The following GRAMD2B variants were observed in gnomAD, a reference collection of about 807,000 sequenced individuals.
The protein encoded by GRAMD2B is GRAM domain-containing protein 2B.
GRAMD2B carries 41 observed loss-of-function variants against 59.2 expected under a neutral mutation model. The ratio of observed to expected loss-of-function variants is 0.69; its 90% CI spans 0.54 to 0.90. The LOEUF is 0.90. Ranked by LOEUF, GRAMD2B falls within the 40% of genes least tolerant of loss-of-function variation. The pLI is 0.00. For synonymous variants in GRAMD2B, 161 were observed against 182.7 expected, an observed-to-expected ratio of 0.88 and a Z score of 0.96; for missense variants, 424 against 500.5, an observed-to-expected ratio of 0.85 and a Z score of 1.46.
At chr5:126,466,363 T>C (rs1191170812) in intron 2 of GRAMD2B, 9 of 970,426 alleles carry the variant, frequency 9.3e-6, no homozygotes, top group Non-Finnish European at 1.5e-5. Flanking sequence ...CCCGAAATTT[T>C]CCTCTTCTGA....
At chr5:126,423,173 C>T, upstream of GRAMD2B, 1 of 998,480 alleles carries the variant, frequency 1.0e-6, no homozygotes, top group African/African-American at 1.7e-5. Flanking sequence ...CTCTAAAAAT[C>T]CCCCTGTTAC....
upstream of GRAMD2B, chr5:126,371,186 A>T: frequency 7.0e-6 from 3 of 431,500 alleles, no homozygotes; most frequent in Non-Finnish European, 9.5e-6. Context: ...GTGAACTAAA[A>T]GTTGAATTTC....
intron 1 of GRAMD2B, among the ~76,000 whole-genome samples, chr5:126,364,490 C>G (rs1264401929): frequency 6.6e-6 from 1 of 152,154 alleles, no homozygotes; most frequent in African/African-American, 2.4e-5. Context: ...GCTCTTGTCC[C>G]GTACAAAGAC....
intron 1 of GRAMD2B, among the ~76,000 whole-genome samples, chr5:126,437,309 G>A (rs79416372): frequency 0.029 from 4,379 of 152,262 alleles, 84 homozygotes; most frequent in African/African-American, 0.038. Flanking sequence ...ACCAGGTGAC[G>A]GAATGGATTG....
intron 1 of GRAMD2B, among the ~76,000 whole-genome samples, chr5:126,446,131 T>A (rs1457389547): frequency 6.6e-6 from 1 of 152,208 alleles, no homozygotes; most frequent in East Asian, 1.9e-4. Context: ...TTTCACTCAT[T>A]TTTTTAAAAA....
chr5:126,423,804 A>T (rs375619339), intron 1 of GRAMD2B, 115 bp downstream of exon 1: 18 of 925,292 alleles, frequency 1.9e-5, no homozygotes, highest in Non-Finnish European at 2.5e-5. Context: ...TATATGGACA[A>T]TCTTGTGGCG....
At chr5:126,361,629 T>A (rs1754226682) in intron 1 of GRAMD2B, among the ~76,000 whole-genome samples, 1 of 152,118 alleles carries the variant, frequency 6.6e-6, no homozygotes, top group South Asian at 2.1e-4. Flanking sequence ...TCTGAAAATC[T>A]AACAAGAAAC....
At chr5:126,366,104 A>G (rs1015149704) in intron 1 of GRAMD2B, among the ~76,000 whole-genome samples, 1 of 152,222 alleles carries the variant, frequency 6.6e-6, no homozygotes, top group Non-Finnish European at 1.5e-5. Flanking sequence ...GGGATAACAT[A>G]TATCCTTTCT....
rs565816759 is a variant in GRAMD2B, at chr5:126,455,525, C to T, written c.84-9901C>T. Among the ~76,000 whole-genome samples, 3 of 152,254 alleles carry T rather than the reference C, an allele frequency of 2.0e-5. No individual in the cohort carries two copies. In the South Asian group the frequency reaches 6.2e-4, roughly 32 times the overall value. On this transcript the variant is annotated intron_variant, in intron 1 of 13. Coordinates refer to ENST00000285689, the MANE Select transcript of GRAMD2B (RefSeq NM_023927.4). Reference sequence around the variant, plus strand: ...CCTTGTGTTTCTCATGACCTTATGGCATCTCTGACTCCAAATTGTATGTAT... The same window carrying T: ...CCTTGTGTTTCTCATGACCTTATGGTATCTCTGACTCCAAATTGTATGTAT...
chr5:126,425,947 A>G (rs2149787973), intron 1 of GRAMD2B, among the ~76,000 whole-genome samples: 1 of 152,186 alleles, frequency 6.6e-6, no homozygotes, highest in Non-Finnish European at 1.5e-5. Context: ...ATTGCACAGC[A>G]AGGAGATTAG....
chr5:126,393,651 A>G (rs1371653531), intron 1 of GRAMD2B, among the ~76,000 whole-genome samples: 1 of 152,274 alleles, frequency 6.6e-6, no homozygotes, highest in East Asian at 1.9e-4. Flanking sequence ...GACACAACAT[A>G]TGGAACCATT....
At chr5:126,401,858 A>G (rs1401307198) in intron 1 of GRAMD2B, among the ~76,000 whole-genome samples, 1 of 152,104 alleles carries the variant, frequency 6.6e-6, no homozygotes, top group Non-Finnish European at 1.5e-5. Context: ...TAGTCAAGAT[A>G]TCACTGTTGC....
chr5:126,445,133 T>C (rs1763977024), intron 1 of GRAMD2B, among the ~76,000 whole-genome samples: 1 of 152,234 alleles, frequency 6.6e-6, no homozygotes, highest in Admixed American at 6.5e-5. Flanking sequence ...GACTTTGCTA[T>C]TGTGAATAAT....
At chr5:126,475,830 C>T (rs935411047) in intron 5 of GRAMD2B, among the ~76,000 whole-genome samples, 16 of 152,156 alleles carry the variant, frequency 1.1e-4, no homozygotes, top group African/African-American at 3.1e-4. Context: ...TGGATGTGGC[C>T]GGGCGCAGTG....
chr5:126,465,451 G>T lies in GRAMD2B; in HGVS notation c.109G>T (p.Glu37Ter). 6.2e-7 allele frequency: 1 copy of T among 1,614,116 alleles called. No homozygotes were observed. The highest frequency in any genetic ancestry group is 8.5e-7 in the Non-Finnish European group (1 of 1,180,012). ...CTCAGAGGCTGAGAATGGTGTGGAG[G>T]AGAAAAAGAAAGCCTGCAGGTCGCC... ...AHSEAENGVE[E>*]KKKACRSPTA... The change falls in exon 2 of 14, where the codon GAG becomes TAG. Residue 37 changes from glutamate (E) to a stop codon, truncating the protein, a stop_gained. Coordinates refer to ENST00000285689, the MANE Select transcript of GRAMD2B (RefSeq NM_023927.4). LOFTEE classifies it high-confidence loss of function.
intron 1 of GRAMD2B, among the ~76,000 whole-genome samples, chr5:126,363,387 G>A (rs941386210): frequency 3.9e-5 from 6 of 152,000 alleles, no homozygotes; most frequent in East Asian, 1.9e-4. Flanking sequence ...AAAATGTTAC[G>A]ACCATTTTGG....
intron 1 of GRAMD2B, among the ~76,000 whole-genome samples, chr5:126,425,756 C>A (rs1023517038): frequency 6.6e-6 from 1 of 152,064 alleles, no homozygotes; most frequent in Non-Finnish European, 1.5e-5. Context: ...CAGAGTGAGA[C>A]CCTGTCTCAA....
chr5:126,366,613 C>T (rs1403909487), upstream of GRAMD2B, among the ~76,000 whole-genome samples: 1 of 152,118 alleles, frequency 6.6e-6, no homozygotes. Context: ...TTTACAAAAG[C>T]TCAGAGTAGT....
intron 1 of GRAMD2B, among the ~76,000 whole-genome samples, chr5:126,393,167 G>A (rs1476135940): frequency 1.3e-5 from 2 of 151,864 alleles, no homozygotes; most frequent in Non-Finnish European, 2.9e-5. Context: ...TCACCCATCA[G>A]CTTCATCCCC....
Sources: allele counts gnomAD v4.1 joint callset (sites outside exome capture counted in the v4.1 genomes callset), GRCh38; gene constraint gnomAD v4.1.1; transcripts MANE v1.5; gene names NCBI Gene and HGNC (gene_info 2026-07-23, HGNC 2026-07-21).